Variants in LRRTM4 observed in about 807,000 individuals in gnomAD.
LRRTM4 encodes leucine-rich repeat transmembrane neuronal protein 4.
Under a neutral mutation model 47.6 loss-of-function variants are expected in LRRTM4, and 25 were observed. That is an observed-to-expected ratio of 0.53 (90% confidence interval 0.38 to 0.73). The LOEUF is 0.73. Among genes scored for constraint, LRRTM4 ranks in the 30% least tolerant of loss-of-function variants. The pLI, the probability that LRRTM4 is intolerant of heterozygous loss-of-function variation, is 0.00. For synonymous variants in LRRTM4, 311 were observed against 269.5 expected (o/e 1.15, Z -1.51); for missense variants, 638 against 713.4 (o/e 0.89, Z 1.20).
rs559731690 is a variant in LRRTM4, at chr2:77,401,807, A to G, written c.1551+116511T>C. 5.9e-5 allele frequency among the ~76,000 whole-genome samples: 9 copies of G among 152,072 alleles called. No individual in the cohort carries two copies. In the East Asian group the frequency reaches 1.2e-3, roughly 20 times the overall value. ...CCAGGTCTATCTTCAAAGACTTACA[A>G]AAGTCTGTAACTTGTATCTTCTACG... On this transcript the variant is annotated intron_variant, in intron 3 of 3. Transcript: ENST00000409884.
chr2:77,398,370 G>A (rs1269997714), intron 3 of LRRTM4, among the ~76,000 whole-genome samples: 4 of 151,912 alleles, frequency 2.6e-5, no homozygotes, highest in African/African-American at 9.7e-5. Flanking sequence ...AAGCAATTAA[G>A]CACATATTAT....
At position 77,020,325 on chromosome 2, in the gene LRRTM4, G is replaced by T. The variant is rs528372100; in HGVS notation, c.1552-271409C>A. On this transcript the variant is annotated intron_variant, in intron 3 of 3. Transcript: ENST00000409884. The stretch of plus-strand genomic sequence containing the variant: ...AGAATTAAATCTAGTGTAGTTGTAT[G>T]ATCCTCTGCTAATATTAGGTTGGTG... 2.4e-3 allele frequency among the ~76,000 whole-genome samples: 359 copies of T among 152,214 alleles called. 1 individual carries two copies. Among genetic ancestry groups the T allele is most frequent in the Non-Finnish European group, 3.9e-3 (263 of 67,966 alleles).
intron 3 of LRRTM4, among the ~76,000 whole-genome samples, chr2:77,419,084 C>T (rs1222793509): frequency 2.0e-5 from 3 of 152,106 alleles, no homozygotes; most frequent in Non-Finnish European, 2.9e-5. Context: ...TAGAATAGTA[C>T]ACAATATATA....
chr2:77,073,614 G>C (rs747776617), intron 3 of LRRTM4, among the ~76,000 whole-genome samples: 7 of 151,864 alleles, frequency 4.6e-5, no homozygotes, highest in Non-Finnish European at 8.8e-5. Flanking sequence ...AGATATTATT[G>C]ATTTCTGAAT....
intron 3 of LRRTM4, among the ~76,000 whole-genome samples, chr2:77,117,363 A>G (rs1383077925): frequency 6.6e-5 from 10 of 152,014 alleles, no homozygotes; most frequent in Non-Finnish European, 1.2e-4. Flanking sequence ...GTATTTAAAT[A>G]TTATCTCTTA....
chr2:77,508,168 T>A (rs1187196240), intron 3 of LRRTM4, among the ~76,000 whole-genome samples: 2 of 152,124 alleles, frequency 1.3e-5, no homozygotes, highest in East Asian at 1.9e-4. Context: ...ATGAAAAATG[T>A]ATACTGTTAA....
intron 3 of LRRTM4, among the ~76,000 whole-genome samples, chr2:77,039,383 A>G (rs1163627594): frequency 1.3e-5 from 2 of 150,838 alleles, no homozygotes; most frequent in East Asian, 1.9e-4. Flanking sequence ...AGATACAGGT[A>G]TATTTGTTTT....
At chr2:77,005,055 G>A (rs1017096685) in intron 3 of LRRTM4, among the ~76,000 whole-genome samples, 15 of 151,950 alleles carry the variant, frequency 9.9e-5, no homozygotes, top group African/African-American at 2.9e-4. Context: ...GACTTGCCTC[G>A]TCTGCAATGA....
chr2:77,451,930 T>A (rs1676270310), intron 3 of LRRTM4, among the ~76,000 whole-genome samples: 1 of 152,018 alleles, frequency 6.6e-6, no homozygotes, highest in African/African-American at 2.4e-5. Context: ...ACCAATGAGT[T>A]TGAGGTGTTT....
chr2:76,850,866 G>T (rs950250330), intron 3 of LRRTM4, among the ~76,000 whole-genome samples: 1 of 152,214 alleles, frequency 6.6e-6, no homozygotes, highest in Non-Finnish European at 1.5e-5. Context: ...ACTAGAGAAA[G>T]TTAGAAATGG....
intron 3 of LRRTM4, among the ~76,000 whole-genome samples, chr2:77,106,671 A>G (rs1409976253): frequency 6.6e-6 from 1 of 152,140 alleles, no homozygotes; most frequent in East Asian, 1.9e-4. Flanking sequence ...GAAAAATTCT[A>G]GCTTAAAATG....
intron 3 of LRRTM4, among the ~76,000 whole-genome samples, chr2:77,454,559 C>T (rs948318943): frequency 6.6e-6 from 1 of 151,992 alleles, no homozygotes; most frequent in Non-Finnish European, 1.5e-5. Context: ...TCAGGTTTAG[C>T]GTAAATCCCC....
At chr2:77,208,663 G>A (rs1048000233) in intron 3 of LRRTM4, among the ~76,000 whole-genome samples, 2 of 152,106 alleles carry the variant, frequency 1.3e-5, no homozygotes, top group Non-Finnish European at 2.9e-5. Flanking sequence ...AGAGAGTTGA[G>A]TCAGGGGACT....
intron 3 of LRRTM4, among the ~76,000 whole-genome samples, chr2:76,839,799 TATTTTTTTTA>T (rs1219263783): frequency 6.6e-6 from 1 of 152,156 alleles, no homozygotes; most frequent in Non-Finnish European, 1.5e-5. Context: ...AATACAATTT[TATTTTTTTTA>T]ATGGTAAATC....
intron 3 of LRRTM4, among the ~76,000 whole-genome samples, chr2:76,797,135 A>C (rs1010187215): frequency 6.6e-6 from 1 of 152,082 alleles, no homozygotes; most frequent in Non-Finnish European, 1.5e-5. Context: ...ATACTCCTCG[A>C]GAAGAGCTAC....
In LRRTM4 at chr2:77,471,433, A is replaced by G. The variant is rs115535293; in HGVS notation, c.1551+46885T>C. Among the ~76,000 whole-genome samples, 1,030 of 152,194 alleles carry G rather than the reference A, an allele frequency of 6.8e-3. 10 individuals are homozygous for G. Among genetic ancestry groups the G allele is most frequent in the African/African-American group, 0.021 (883 of 41,520 alleles). ...ACACCTTAATCCTTAGCACCCTTCC[A>G]TCTATTCTTCACAAAGCCCAGATGA... On this transcript the variant is annotated intron_variant, in intron 3 of 3. Transcript: ENST00000409884.
chr2:77,429,251 A>T (rs1000323043), intron 3 of LRRTM4, among the ~76,000 whole-genome samples: 38 of 152,200 alleles, frequency 2.5e-4, no homozygotes, highest in Admixed American at 8.5e-4. Flanking sequence ...CGATTATAAG[A>T]TATAATGATC....
intron 3 of LRRTM4, among the ~76,000 whole-genome samples, chr2:77,199,703 C>A (rs569282239): frequency 6.6e-6 from 1 of 152,178 alleles, no homozygotes; most frequent in South Asian, 2.1e-4. Flanking sequence ...TTATCATGAA[C>A]ATTCTATGCT....
intron 3 of LRRTM4, among the ~76,000 whole-genome samples, chr2:77,028,922 C>G (rs1307721144): frequency 6.6e-6 from 1 of 151,054 alleles, no homozygotes; most frequent in Non-Finnish European, 1.5e-5. Context: ...GTAGTCCCAG[C>G]TACTCGGGAG....
Sources: gnomAD v4.1 joint callset for allele counts (sites outside exome capture counted in the v4.1 genomes callset) on GRCh38, gnomAD v4.1.1 for gene constraint, MANE v1.5 for transcripts, NCBI Gene and HGNC (gene_info 2026-07-23, HGNC 2026-07-21) for gene names.